Variants in ST18 observed in about 807,000 individuals in gnomAD.
ST18 encodes ST18 C2H2C-type zinc finger transcription factor.
ST18 carries 50 observed loss-of-function variants against 110.0 expected under a neutral mutation model. The observed-to-expected ratio is 0.45, with a 90% confidence interval of 0.36 to 0.58. ST18 has a LOEUF of 0.58. Ranked by LOEUF, ST18 falls within the 20% of genes least tolerant of loss-of-function variation. The pLI, the probability that ST18 is intolerant of heterozygous loss-of-function variation, is 0.00. For synonymous variants in ST18, 461 were observed against 452.4 expected, an observed-to-expected ratio of 1.02 and a Z score of -0.24; for missense variants, 1,306 against 1,280.1, an observed-to-expected ratio of 1.02 and a Z score of -0.31.
chr8:52,378,275 G>T (rs1308035196), intron 2 of ST18, among the ~76,000 whole-genome samples: 2 of 152,052 alleles, frequency 1.3e-5, no homozygotes, highest in African/African-American at 4.8e-5. Flanking sequence ...ACAAAGAAAT[G>T]ATACATGTTT....
chr8:52,362,836 C>A (rs970516599), intron 2 of ST18, among the ~76,000 whole-genome samples: 1 of 152,102 alleles, frequency 6.6e-6, no homozygotes, highest in African/African-American at 2.4e-5. Context: ...ACCCAAGGTC[C>A]ACATCGTCTG....
intron 2 of ST18, among the ~76,000 whole-genome samples, chr8:52,300,664 A>G (rs2095706854): frequency 6.6e-6 from 1 of 152,226 alleles, no homozygotes; most frequent in Non-Finnish European, 1.5e-5. Flanking sequence ...AAATTATATG[A>G]AATTTACATT....
At position 52,335,844 on chromosome 8, in the gene ST18, G is replaced by A. The variant is rs1241429853; in HGVS notation, c.-465+73484C>T. Among the ~76,000 whole-genome samples, 4 of 152,040 alleles carry A rather than the reference G, an allele frequency of 2.6e-5. No homozygotes were observed. In the East Asian group the frequency reaches 5.8e-4, roughly 22 times the overall value. ...TCATTCTCCATACTGCAGCCAACAAGGTGTCCTCCGTAAGCACCTCCCTTC... is the reference window on the plus strand; with the variant it reads ...TCATTCTCCATACTGCAGCCAACAAAGTGTCCTCCGTAAGCACCTCCCTTC... On this transcript the variant is annotated intron_variant, in intron 2 of 25. Coordinates refer to ENST00000689386, the MANE Select transcript of ST18 (RefSeq NM_001352837.2).
At chr8:52,116,192 A>G in intron 25 of ST18, 83 bp downstream of exon 25, 2 of 1,514,148 alleles carry the variant, frequency 1.3e-6, no homozygotes, top group South Asian at 2.6e-5. Context: ...CTCAAAGCTC[A>G]GTCGTGGCAA....
At chr8:52,282,972 G>A (rs1259638497) in intron 2 of ST18, among the ~76,000 whole-genome samples, 1 of 152,156 alleles carries the variant, frequency 6.6e-6, no homozygotes, top group Admixed American at 6.5e-5. Flanking sequence ...GTGCCACGAA[G>A]GGTACATAAG....
At chr8:52,238,536 T>C (rs2093003190) in intron 2 of ST18, among the ~76,000 whole-genome samples, 1 of 152,140 alleles carries the variant, frequency 6.6e-6, no homozygotes, top group Admixed American at 6.5e-5. Context: ...TACCTGCACA[T>C]GTATGTTTTT....
intron 8 of ST18, among the ~76,000 whole-genome samples, chr8:52,208,055 T>C (rs184649900): frequency 1.3e-5 from 2 of 152,308 alleles, no homozygotes; most frequent in Admixed American, 6.5e-5. Context: ...TGATTAAAGG[T>C]GGGCCTGTGG....
chr8:52,150,292 G>GTA (rs1321128399), intron 15 of ST18, among the ~76,000 whole-genome samples: 8 of 151,634 alleles, frequency 5.3e-5, no homozygotes, highest in South Asian at 4.2e-4. Context: ...ATATATATGT[G>GTA]TATATATATA....
chr8:52,282,719 TG>T (rs761480726), intron 2 of ST18, among the ~76,000 whole-genome samples: 1 of 151,872 alleles, frequency 6.6e-6, no homozygotes, highest in Non-Finnish European at 1.5e-5. Flanking sequence ...GCAGTGCCGC[TG>T]GGGTGAGTCA....
At chr8:52,295,543 A>C (rs1443092419) in intron 2 of ST18, among the ~76,000 whole-genome samples, 1 of 152,024 alleles carries the variant, frequency 6.6e-6, no homozygotes, top group Non-Finnish European at 1.5e-5. Context: ...CAGTACAGAA[A>C]TTTTGCCTGA....
At chr8:52,196,114 G>C (rs1043318506) in intron 8 of ST18, among the ~76,000 whole-genome samples, 6 of 152,050 alleles carry the variant, frequency 3.9e-5, no homozygotes, top group African/African-American at 1.4e-4. Flanking sequence ...AAAATGACTT[G>C]GGTGCTGCTT....
rs10504141 is a variant in ST18, at chr8:52,287,994, C to G, written c.-464-57917G>C. Among the ~76,000 whole-genome samples the G allele has an allele frequency of 8.7e-3, 1,325 of 152,294 alleles. 18 individuals are homozygous for G. The highest frequency in any genetic ancestry group is 0.029 in the African/African-American group (1,211 of 41,564). ...GCTCAGAGGGTCGGGAAATATCAGTCACAACCATAAACTGAGCATGTTATG... is the reference window on the plus strand; with the variant it reads ...GCTCAGAGGGTCGGGAAATATCAGTGACAACCATAAACTGAGCATGTTATG... On this transcript the variant is annotated intron_variant, in intron 2 of 25. Transcript: ENST00000689386.
chr8:52,158,055 G>T (rs554544782), intron 15 of ST18, among the ~76,000 whole-genome samples: 1 of 152,358 alleles, frequency 6.6e-6, no homozygotes, highest in South Asian at 2.1e-4. Flanking sequence ...GTAAATAGGA[G>T]TTCCTGCTCC....
chr8:52,138,118 A>G (rs564832780), intron 17 of ST18, among the ~76,000 whole-genome samples: 1 of 151,642 alleles, frequency 6.6e-6, no homozygotes, highest in Admixed American at 6.6e-5. Flanking sequence ...AAAAGAAAAG[A>G]AAAAGAAAAA....
At chr8:52,313,626 T>G (rs1357543956) in intron 2 of ST18, 1 of 152,290 alleles carries the variant, frequency 6.6e-6, no homozygotes, top group African/African-American at 2.4e-5. Flanking sequence ...CCCTTGGCTG[T>G]GAAGAGACAA....
At chr8:52,124,221 G>C (rs1586333067) in intron 23 of ST18, among the ~76,000 whole-genome samples, 1 of 152,062 alleles carries the variant, frequency 6.6e-6, no homozygotes. Flanking sequence ...TGTTGCCCAG[G>C]CTGGAGTGCG....
At chr8:52,268,433 G>A (rs1473068829) in intron 2 of ST18, among the ~76,000 whole-genome samples, 3 of 152,046 alleles carry the variant, frequency 2.0e-5, no homozygotes, top group African/African-American at 7.2e-5. Flanking sequence ...GCAGAGAAGA[G>A]CTTCTGTCTA....
chr8:52,408,497 A>G (rs1158249753), intron 2 of ST18, among the ~76,000 whole-genome samples: 3 of 152,238 alleles, frequency 2.0e-5, no homozygotes, highest in Non-Finnish European at 2.9e-5. Context: ...CTGAGAATCA[A>G]CAGCTAATTT....
intron 2 of ST18, among the ~76,000 whole-genome samples, chr8:52,314,444 A>G (rs1173725874): frequency 6.6e-6 from 1 of 152,162 alleles, no homozygotes; most frequent in Non-Finnish European, 1.5e-5. Context: ...CTGTTTCCTG[A>G]AGACATTACT....
Sources: allele counts gnomAD v4.1 joint callset (sites outside exome capture counted in the v4.1 genomes callset), GRCh38; gene constraint gnomAD v4.1.1; transcripts MANE v1.5; gene names NCBI Gene and HGNC (gene_info 2026-07-23, HGNC 2026-07-21).